Variants in SLC24A2 observed in about 807,000 individuals in gnomAD.
SLC24A2 encodes sodium/potassium/calcium exchanger 2.
SLC24A2 carries 36 observed loss-of-function variants against 62.0 expected under a neutral mutation model. The observed-to-expected ratio is 0.58, with a 90% CI of 0.44 to 0.77. SLC24A2 has a LOEUF of 0.77. Among genes scored for constraint, SLC24A2 ranks in the 30% least tolerant of loss-of-function variants. The pLI, the probability that SLC24A2 is intolerant of heterozygous loss-of-function variation, is 0.00. For synonymous variants in SLC24A2, 358 were observed against 294.0 expected (o/e 1.22, Z -2.23); for missense variants, 846 against 817.9 (o/e 1.03, Z -0.42).
intron 2 of SLC24A2, among the ~76,000 whole-genome samples, chr9:19,760,991 A>AT (rs1487953162): frequency 6.6e-6 from 1 of 152,158 alleles, no homozygotes; most frequent in Non-Finnish European, 1.5e-5. Flanking sequence ...GCATCACACC[A>AT]ACATGGCACA....
At chr9:20,203,506 C>T in the SLC24A2 span, among the ~76,000 whole-genome samples, 1 of 152,152 alleles carries the variant, frequency 6.6e-6, no homozygotes, top group Non-Finnish European at 1.5e-5. Flanking sequence ...GACTAGATGA[C>T]TTCTAAATTC....
chr9:19,687,297 C>T (rs1204827107), intron 2 of SLC24A2, among the ~76,000 whole-genome samples: 11 of 152,006 alleles, frequency 7.2e-5, no homozygotes, highest in South Asian at 2.1e-4. Context: ...AAAAACAAAA[C>T]GGAACAAGTT....
the SLC24A2 span, among the ~76,000 whole-genome samples, chr9:20,265,214 A>C: frequency 6.6e-6 from 1 of 152,216 alleles, no homozygotes; most frequent in Non-Finnish European, 1.5e-5. Context: ...AGCAGCCGGC[A>C]GTGGGTGAAC....
chr9:19,717,606 A>G (rs1245026960), intron 2 of SLC24A2, among the ~76,000 whole-genome samples: 2 of 152,364 alleles, frequency 1.3e-5, no homozygotes, highest in East Asian at 3.9e-4. Context: ...AAGTCTATAC[A>G]AAGCCATCTA....
the SLC24A2 span, among the ~76,000 whole-genome samples, chr9:19,991,364 T>C: frequency 2.0e-5 from 3 of 152,270 alleles, no homozygotes; most frequent in Middle Eastern, 3.4e-3. Context: ...AGTCTAGTCC[T>C]TCCATGTTCT....
chr9:19,540,523 G>A (rs1247191492), intron 8 of SLC24A2, among the ~76,000 whole-genome samples: 1 of 151,006 alleles, frequency 6.6e-6, no homozygotes, highest in Non-Finnish European at 1.5e-5. Flanking sequence ...TAAGAATGTT[G>A]AATATTGGCC....
the SLC24A2 span, among the ~76,000 whole-genome samples, chr9:19,834,922 A>C: frequency 6.6e-6 from 1 of 152,230 alleles, no homozygotes; most frequent in African/African-American, 2.4e-5. Context: ...ACCAATATTC[A>C]ACATTCTTAA....
the SLC24A2 span, among the ~76,000 whole-genome samples, chr9:19,879,292 T>C: frequency 6.6e-6 from 1 of 151,880 alleles, no homozygotes; most frequent in African/African-American, 2.4e-5. Flanking sequence ...AGGAGACTGA[T>C]GGTGGTAAGT....
the SLC24A2 span, among the ~76,000 whole-genome samples, chr9:20,067,387 C>T: frequency 1.3e-5 from 2 of 152,090 alleles, no homozygotes; most frequent in African/African-American, 2.4e-5. Context: ...CCATATCCTC[C>T]TGTGTTATTT....
At chr9:19,618,487 G>A (rs1043448415) in intron 4 of SLC24A2, among the ~76,000 whole-genome samples, 1 of 152,190 alleles carries the variant, frequency 6.6e-6, no homozygotes, top group African/African-American at 2.4e-5. Context: ...AACGCCCCAT[G>A]CTCTGCAAGG....
the SLC24A2 span, among the ~76,000 whole-genome samples, chr9:19,824,651 C>T: frequency 6.6e-6 from 1 of 152,026 alleles, no homozygotes; most frequent in East Asian, 1.9e-4. Context: ...ACCATTTGAC[C>T]CAGCAATCCT....
chr9:20,280,515 T>A, the SLC24A2 span, among the ~76,000 whole-genome samples: 1 of 152,150 alleles, frequency 6.6e-6, no homozygotes, highest in Non-Finnish European at 1.5e-5. Flanking sequence ...CCTGAATGAT[T>A]GTGCAAGAAT....
chr9:19,699,904 T>G (rs553033241), intron 2 of SLC24A2, among the ~76,000 whole-genome samples: 52 of 152,166 alleles, frequency 3.4e-4, no homozygotes, highest in Non-Finnish European at 6.5e-4. Flanking sequence ...CAGCCCCTTC[T>G]GGTTAGGACA....
At chr9:19,793,087 AAC>A (rs1823339592), upstream of SLC24A2, among the ~76,000 whole-genome samples, 1 of 152,250 alleles carries the variant, frequency 6.6e-6, no homozygotes, top group Non-Finnish European at 1.5e-5. Flanking sequence ...CATTTTGGCT[AAC>A]ACATATCTGT....
At chr9:19,714,659 T>C (rs1418176910) in intron 2 of SLC24A2, among the ~76,000 whole-genome samples, 1 of 152,154 alleles carries the variant, frequency 6.6e-6, no homozygotes, top group Non-Finnish European at 1.5e-5. Flanking sequence ...CTATTTAAGA[T>C]ATACAACATG....
chr9:19,930,300 C>A, the SLC24A2 span, among the ~76,000 whole-genome samples: 1 of 152,144 alleles, frequency 6.6e-6, no homozygotes, highest in African/African-American at 2.4e-5. Context: ...TCTAGTGTTT[C>A]CACATTGAGA....
intron 9 of SLC24A2, among the ~76,000 whole-genome samples, chr9:19,525,389 T>A (rs868291215): frequency 2.1e-5 from 2 of 93,886 alleles, no homozygotes; most frequent in Middle Eastern, 0.011. Flanking sequence ...CCTATTTCTT[T>A]ACTTTTTTTT....
chr9:19,513,975 G>A lies in SLC24A2; in HGVS notation c.*2178C>T, dbSNP rs1832832389. ...CAGGTTCCACTCAGCGCCTCTATTGGATGGTGTTTCAATGTCTTGGAAGGC... is the reference window on the plus strand; with the variant it reads ...CAGGTTCCACTCAGCGCCTCTATTGAATGGTGTTTCAATGTCTTGGAAGGC... On this transcript the variant is annotated 3_prime_UTR_variant, in exon 11 of 11. Transcript: ENST00000341998. 6.6e-6 allele frequency: 1 copy of A among 152,142 alleles called. No homozygotes were observed. The allele number at this position is 152,142 out of a possible 1,614,324, so 9.4% of individuals were successfully genotyped here. A position where few individuals can be genotyped will look rare whatever the true frequency, so the allele number is the denominator to read the frequency against.
intron 8 of SLC24A2, among the ~76,000 whole-genome samples, chr9:19,530,604 A>G (rs941802757): frequency 3.3e-5 from 5 of 152,238 alleles, no homozygotes; most frequent in African/African-American, 9.6e-5. Context: ...ATTCCTAGCC[A>G]AAAGGTATAA....
Sources: gnomAD v4.1 joint callset for allele counts (sites outside exome capture counted in the v4.1 genomes callset) on GRCh38, gnomAD v4.1.1 for gene constraint, MANE v1.5 for transcripts, NCBI Gene and HGNC (gene_info 2026-07-23, HGNC 2026-07-21) for gene names.